ABLIM2: variants seen among roughly 807,000 people sequenced by gnomAD.
ABLIM2 encodes the protein actin-binding LIM protein 2.
In ABLIM2, 53 loss-of-function variants were observed where a neutral mutation model predicts 97.7. That is an observed-to-expected ratio of 0.54 (90% CI 0.44 to 0.68). The LOEUF is 0.68. Among genes scored for constraint, ABLIM2 ranks in the 30% least tolerant of loss-of-function variants. ABLIM2 has a pLI of 0.00. For synonymous variants in ABLIM2, 361 were observed against 345.8 expected (o/e 1.04, Z -0.49); for missense variants, 835 against 867.2 (o/e 0.96, Z 0.47).
At chr4:7,968,133 C>T (rs1198746433) in intron 20 of ABLIM2, among the ~76,000 whole-genome samples, 3 of 152,264 alleles carry the variant, frequency 2.0e-5, no homozygotes, top group Non-Finnish European at 4.4e-5. Flanking sequence ...CCCCTCGCCT[C>T]GCCTGGGCGG....
At position 8,149,057 on chromosome 4, in the gene ABLIM2, G is replaced by T. The variant is rs1439325848; in HGVS notation, c.10+9623C>A. Among the ~76,000 whole-genome samples the T allele has an allele frequency of 6.6e-6, 1 of 152,192 alleles. No homozygotes were observed. The highest frequency in any genetic ancestry group is 1.5e-5 in the Non-Finnish European group (1 of 68,038). ...GGGCAGATCCAGCCAGAGTGTGAAG[G>T]GGTCTGTAGGGCTGGGGCCATCTGG... On this transcript the variant is annotated intron_variant, in intron 1 of 20. Coordinates refer to ENST00000447017, the MANE Select transcript of ABLIM2 (RefSeq NM_001130083.2). The surrounding 1 kb of genome is among the most constrained non-coding windows in gnomAD (Gnocchi z 6.4).
At chr4:8,028,666 TTCAC>T (rs773095135) in intron 11 of ABLIM2, among the ~76,000 whole-genome samples, 4 of 152,014 alleles carry the variant, frequency 2.6e-5, no homozygotes, top group East Asian at 1.9e-4. Context: ...CATTCACTTG[TTCAC>T]TCACTCATTC....
chr4:8,041,131 G>A (rs1027847322), intron 9 of ABLIM2, among the ~76,000 whole-genome samples: 2 of 152,256 alleles, frequency 1.3e-5, no homozygotes, highest in African/African-American at 4.8e-5. Flanking sequence ...GAGACACAGT[G>A]CACCACGCTG....
intron 2 of ABLIM2, among the ~76,000 whole-genome samples, chr4:8,102,624 G>C (rs984433881): frequency 7.2e-5 from 11 of 152,160 alleles, no homozygotes; most frequent in Non-Finnish European, 1.5e-5. Flanking sequence ...GGCAGAGGTG[G>C]AATTCGAATG....
At chr4:8,056,829 G>A (rs1580042547) in intron 7 of ABLIM2, among the ~76,000 whole-genome samples, 1 of 150,630 alleles carries the variant, frequency 6.6e-6, no homozygotes. Context: ...CTGCTCGGGA[G>A]GCTGAGGCAG....
At chr4:8,090,103 C>G (rs1826317897) in intron 3 of ABLIM2, among the ~76,000 whole-genome samples, 1 of 152,204 alleles carries the variant, frequency 6.6e-6, no homozygotes, top group African/African-American at 2.4e-5. Flanking sequence ...ACAGGCTGAG[C>G]TGAACCCAGG....
chr4:7,972,087 A>C (rs1210053168), intron 20 of ABLIM2, among the ~76,000 whole-genome samples: 1 of 152,150 alleles, frequency 6.6e-6, no homozygotes, highest in African/African-American at 2.4e-5. Flanking sequence ...TCCCTGCAGG[A>C]CCTACAGTGA....
rs1755531830 is a variant in ABLIM2 at position 7,999,344 on chromosome 4, C to T, written c.1619-6417G>A. 6.6e-6 allele frequency among the ~76,000 whole-genome samples: 1 copy of T among 152,208 alleles called. No homozygotes were observed. The highest frequency in any genetic ancestry group is 6.5e-5 in the Admixed American group (1 of 15,286). On this transcript the variant is annotated intron_variant, in intron 16 of 20. Transcript: ENST00000447017. The surrounding 1 kb of genome is among the most constrained non-coding windows in gnomAD (Gnocchi z 4.4). Reference sequence around the variant, plus strand: ...AAATGCTGAGATTACAGGCGTGAGCCACTGCGCCCGGCCAAGAATCACTGG... The same window carrying T: ...AAATGCTGAGATTACAGGCGTGAGCTACTGCGCCCGGCCAAGAATCACTGG...
chr4:8,157,613 A>G (rs1352915944), intron 1 of ABLIM2, among the ~76,000 whole-genome samples: 1 of 152,220 alleles, frequency 6.6e-6, no homozygotes, highest in Non-Finnish European at 1.5e-5. Flanking sequence ...TACAGCCCAC[A>G]GGAAGCTCTT....
chr4:8,154,883 C>T (rs182015122), intron 1 of ABLIM2, among the ~76,000 whole-genome samples: 1 of 152,196 alleles, frequency 6.6e-6, no homozygotes, highest in Non-Finnish European at 1.5e-5. Context: ...GGAGGCCTCG[C>T]AATCATGGCG....
rs1791056288 is a variant in ABLIM2, at chr4:8,044,671, C to G, written c.900+493G>C. Among the ~76,000 whole-genome samples, 3 of 150,140 alleles carry G rather than the reference C, an allele frequency of 2.0e-5. No individual in the cohort carries two copies. In the South Asian group the frequency reaches 6.3e-4, roughly 32 times the overall value. On this transcript the variant is annotated intron_variant, in intron 9 of 20. Transcript: ENST00000447017. This position sits in a 1 kb window ranked among gnomAD's most constrained non-coding sequence, Gnocchi z 4.4. ...ACACACACACACACACACACAGAGTCTCTCTCTCTCTCTCTCTCTCGAACG... is the reference window on the plus strand; with the variant it reads ...ACACACACACACACACACACAGAGTGTCTCTCTCTCTCTCTCTCTCGAACG...
chr4:8,101,633 C>A (rs1266624896), intron 2 of ABLIM2, among the ~76,000 whole-genome samples: 2 of 152,218 alleles, frequency 1.3e-5, no homozygotes, highest in Non-Finnish European at 2.9e-5. Flanking sequence ...TCCCTCCCTG[C>A]CTGTTTTCTT....
chr4:8,005,314 C>A lies in ABLIM2; in HGVS notation c.1618+2745G>T. 1.9e-6 allele frequency: 1 copy of A among 532,160 alleles called. No homozygotes were observed. Among genetic ancestry groups the A allele is most frequent in the Non-Finnish European group, 3.9e-6 (1 of 259,344 alleles). The allele number at this position is 532,160 out of a possible 1,614,324, so 33.0% of individuals were successfully genotyped here. A position where few individuals can be genotyped will look rare whatever the true frequency, so the allele number is the denominator to read the frequency against. The stretch of plus-strand genomic sequence containing the variant: ...CTCAGCGTCTGGCACAGAGTGGGTG[C>A]TCAATAAATACCCGTTGAATGTAAC... On this transcript the variant is annotated intron_variant, in intron 16 of 20. Transcript: ENST00000447017. This position sits in a 1 kb window ranked among gnomAD's most constrained non-coding sequence, Gnocchi z 4.9.
chr4:7,995,567 A>G (rs1752709989), intron 16 of ABLIM2, among the ~76,000 whole-genome samples: 1 of 152,212 alleles, frequency 6.6e-6, no homozygotes, highest in Non-Finnish European at 1.5e-5. Flanking sequence ...AAATTCCATG[A>G]AGGTCACATG....
chr4:8,036,310 A>G lies in ABLIM2; in HGVS notation c.901-15T>C, dbSNP rs563518582. ...CCAAGCTTGGCCTGAGAGGGGAAAG[A>G]GAATTGGGGAGGGGACAGTCACCAG... is the stretch of plus-strand genomic sequence containing the variant. On this transcript the variant is annotated splice_polypyrimidine_tract_variant and intron_variant, in intron 9 of 20. Coordinates refer to ENST00000447017, the MANE Select transcript of ABLIM2 (RefSeq NM_001130083.2). 1.2e-6 allele frequency: 2 copies of G among 1,612,572 alleles called. No individual in the cohort carries two copies. The highest frequency in any genetic ancestry group is 1.7e-4 in the Middle Eastern group (1 of 6,052).
At position 8,072,013 on chromosome 4, in the gene ABLIM2, A is replaced by G. The variant is rs2152336655; in HGVS notation, c.675+5615T>C. On this transcript the variant is annotated intron_variant, in intron 6 of 20. Transcript: ENST00000447017. The surrounding 1 kb of genome is among the most constrained non-coding windows in gnomAD (Gnocchi z 5.8). ...CGGAGCCAGGCTTGTCCCCGCCCGC[A>G]GTTCCCACCTTGCACCCGGGGAGGA... 1.0e-6 allele frequency: 1 copy of G among 985,432 alleles called. No individual in the cohort carries two copies. Among genetic ancestry groups the G allele is most frequent in the Non-Finnish European group, 1.2e-6 (1 of 829,964 alleles). 61.0% of individuals were successfully genotyped at this position (985,432 alleles called of 1,614,324 possible).
chr4:8,134,764 C>T (rs1023733406), intron 1 of ABLIM2, among the ~76,000 whole-genome samples: 1 of 152,180 alleles, frequency 6.6e-6, no homozygotes, highest in African/African-American at 2.4e-5. Flanking sequence ...GGGACTTGTG[C>T]CCTTTTGGTA....
At chr4:8,091,830 A>G (rs1280182591) in intron 3 of ABLIM2, among the ~76,000 whole-genome samples, 1 of 68,042 alleles carries the variant, frequency 1.5e-5, no homozygotes, top group Non-Finnish European at 3.2e-5. Flanking sequence ...TATATTATAT[A>G]AATAATATAA....
At chr4:7,982,733 T>A (rs748390434) in intron 20 of ABLIM2, among the ~76,000 whole-genome samples, 43 of 151,740 alleles carry the variant, frequency 2.8e-4, no homozygotes, top group Admixed American at 1.1e-3. Context: ...TGAGATGGAG[T>A]CTCTCTGTCA....
Sources: gnomAD v4.1 joint callset for allele counts (sites outside exome capture counted in the v4.1 genomes callset) on GRCh38, gnomAD v4.1.1 for gene constraint, Gnocchi (gnomAD v3.1) non-coding constraint, MANE v1.5 for transcripts, NCBI Gene and HGNC (gene_info 2026-07-23, HGNC 2026-07-21) for gene names.